Variants in RGS7 observed in about 807,000 individuals in gnomAD.
RGS7 encodes regulator of G-protein signaling 7.
A neutral mutation model predicts 81.1 loss-of-function variants in RGS7; 27 were observed. The ratio of observed to expected loss-of-function variants is 0.33; its 90% confidence interval spans 0.25 to 0.46. RGS7 has a LOEUF of 0.46. Ranked by LOEUF, RGS7 falls within the 20% of genes least tolerant of loss-of-function variation. The pLI is 1.00. For synonymous variants in RGS7, 208 were observed against 207.7 expected, an observed-to-expected ratio of 1.00 and a Z score of -0.01; for missense variants, 396 against 607.4, an observed-to-expected ratio of 0.65 and a Z score of 3.66.
intron 2 of RGS7, among the ~76,000 whole-genome samples, chr1:241,178,968 T>G (rs1447776982): frequency 6.6e-6 from 1 of 152,234 alleles, no homozygotes; most frequent in African/African-American, 2.4e-5. Context: ...TAGCCCAGCC[T>G]AAAGACACAT....
intron 4 of RGS7, among the ~76,000 whole-genome samples, chr1:240,951,835 CAT>C (rs1416369201): frequency 6.6e-6 from 1 of 152,050 alleles, no homozygotes; most frequent in Non-Finnish European, 1.5e-5. Flanking sequence ...TAAATCTACA[CAT>C]ATCTTATTCT....
intron 9 of RGS7, among the ~76,000 whole-genome samples, chr1:240,836,941 C>G (rs1227047888): frequency 6.6e-6 from 1 of 152,214 alleles, no homozygotes; most frequent in Non-Finnish European, 1.5e-5. Context: ...CAGACCACTT[C>G]AGCCTCACAT....
chr1:240,990,762 C>G (rs1686338534), intron 3 of RGS7, among the ~76,000 whole-genome samples: 1 of 152,282 alleles, frequency 6.6e-6, no homozygotes, highest in East Asian at 1.9e-4. Context: ...TATGAAATCT[C>G]AAAGGTCAAT....
At chr1:240,796,427 T>C (rs1368089004) in intron 18 of RGS7, among the ~76,000 whole-genome samples, 1 of 152,182 alleles carries the variant, frequency 6.6e-6, no homozygotes, top group Non-Finnish European at 1.5e-5. Flanking sequence ...GGCTCACACC[T>C]GTAATCCCAG....
At chr1:241,029,820 A>G (rs2059975605) in intron 3 of RGS7, among the ~76,000 whole-genome samples, 1 of 152,232 alleles carries the variant, frequency 6.6e-6, no homozygotes, top group African/African-American at 2.4e-5. Context: ...TGATGTAAAC[A>G]ACAGCTGCCA....
At chr1:241,263,431 G>A (rs921068720) in intron 2 of RGS7, among the ~76,000 whole-genome samples, 5 of 152,266 alleles carry the variant, frequency 3.3e-5, no homozygotes, top group African/African-American at 7.2e-5. Context: ...AACTGCAGTC[G>A]CTCCAAAGGG....
intron 3 of RGS7, among the ~76,000 whole-genome samples, chr1:241,020,818 A>C (rs1245301787): frequency 2.0e-5 from 3 of 152,200 alleles, no homozygotes; most frequent in Admixed American, 2.0e-4. Context: ...TACAACCATC[A>C]GTGCCAGACA....
chr1:241,041,331 G>T (rs190207512), intron 3 of RGS7, among the ~76,000 whole-genome samples: 1,624 of 152,078 alleles, frequency 0.011, 22 homozygotes, highest in South Asian at 0.025. Flanking sequence ...AGAGTTTGGT[G>T]TTCCATATTT....
chr1:241,106,886 G>C (rs984861842), intron 2 of RGS7, among the ~76,000 whole-genome samples: 2 of 144,652 alleles, frequency 1.4e-5, no homozygotes, highest in African/African-American at 5.4e-5. Flanking sequence ...CTAATTTATA[G>C]ACGTTTCTGC....
chr1:241,154,867 T>C (rs1209842875), intron 2 of RGS7, among the ~76,000 whole-genome samples: 2 of 152,092 alleles, frequency 1.3e-5, no homozygotes, highest in Non-Finnish European at 2.9e-5. Context: ...AGGGCTTATG[T>C]AGTCAACGGT....
chr1:241,029,715 T>C (rs1185658304), intron 3 of RGS7, among the ~76,000 whole-genome samples: 1 of 152,202 alleles, frequency 6.6e-6, no homozygotes, highest in Admixed American at 6.5e-5. Flanking sequence ...GGAGATAACA[T>C]ACTCTTACTG....
At chr1:240,817,715 G>A (rs986300640) in intron 10 of RGS7, among the ~76,000 whole-genome samples, 1 of 152,074 alleles carries the variant, frequency 6.6e-6, no homozygotes, top group Non-Finnish European at 1.5e-5. Context: ...TGACTCTCTT[G>A]CCTCAGCCTC....
chr1:240,991,463 G>T (rs928547830), intron 3 of RGS7, among the ~76,000 whole-genome samples: 6 of 152,182 alleles, frequency 3.9e-5, no homozygotes, highest in African/African-American at 1.4e-4. Flanking sequence ...GTCGCATTCA[G>T]AGAAACATCA....
At chr1:240,784,311 T>C (rs1684664636) in intron 18 of RGS7, among the ~76,000 whole-genome samples, 1 of 151,970 alleles carries the variant, frequency 6.6e-6, no homozygotes, top group South Asian at 2.1e-4. Context: ...ATGAAACAGA[T>C]TACAGAGAAG....
At chr1:241,086,220 G>A (rs1420348945) in intron 3 of RGS7, among the ~76,000 whole-genome samples, 2 of 152,174 alleles carry the variant, frequency 1.3e-5, no homozygotes, top group Admixed American at 6.5e-5. Context: ...TACATACGTT[G>A]CCTGAAAGTG....
chr1:241,078,272 A>G (rs1275997433), intron 3 of RGS7, among the ~76,000 whole-genome samples: 1 of 144,334 alleles, frequency 6.9e-6, no homozygotes, highest in Non-Finnish European at 1.5e-5. Flanking sequence ...CATATAACAT[A>G]TTTTTCCTGT....
chr1:241,306,375 G>GCA (rs1013415474), intron 2 of RGS7, among the ~76,000 whole-genome samples: 1 of 142,698 alleles, frequency 7.0e-6, no homozygotes, highest in African/African-American at 2.6e-5. Flanking sequence ...CCACACACAC[G>GCA]CACACACCCT....
chr1:241,014,550 C>T (rs908393190), intron 3 of RGS7, among the ~76,000 whole-genome samples: 3 of 152,162 alleles, frequency 2.0e-5, no homozygotes, highest in African/African-American at 7.2e-5. Context: ...CCAGTCATTT[C>T]GACTGTGGCC....
At position 241,163,617 on chromosome 1, in the gene RGS7, C is replaced by T. The variant is rs913354457; in HGVS notation, c.79-64855G>A. Among the ~76,000 whole-genome samples the T allele has an allele frequency of 6.6e-6, 1 of 152,138 alleles. No homozygotes were observed. The highest frequency in any genetic ancestry group is 2.4e-5 in the African/African-American group (1 of 41,430). On this transcript the variant is annotated intron_variant, in intron 2 of 18. Coordinates refer to ENST00000440928, the MANE Select transcript of RGS7 (RefSeq NM_001364886.1). The surrounding 1 kb of genome is among the most constrained non-coding windows in gnomAD (Gnocchi z 4.6). Reference sequence around the variant, plus strand: ...AGATTTCATCTACATAACAAGTGATCTTTGCTAGCCAGGGCTCCTCTTCTC... The same window carrying T: ...AGATTTCATCTACATAACAAGTGATTTTTGCTAGCCAGGGCTCCTCTTCTC...
Sources: allele counts gnomAD v4.1 joint callset (sites outside exome capture counted in the v4.1 genomes callset), GRCh38; gene constraint gnomAD v4.1.1; non-coding constraint Gnocchi (gnomAD v3.1); transcripts MANE v1.5; gene names NCBI Gene and HGNC (gene_info 2026-07-23, HGNC 2026-07-21).